The following ELAVL4 variants were observed in gnomAD, a reference collection of about 807,000 sequenced individuals.
ELAVL4 encodes the protein ELAV like RNA binding protein 4, also known as ELAV-like protein 4.
Under a neutral mutation model 35.6 loss-of-function variants are expected in ELAVL4, and 1 was observed. The observed-to-expected ratio is 0.03, with a 90% confidence interval of 0.01 to 0.13. ELAVL4 has a LOEUF of 0.13. ELAVL4 is among the 10% of genes least tolerant of loss of function. The pLI, the probability that ELAVL4 is intolerant of heterozygous loss-of-function variation, is 1.00. For missense variants in ELAVL4, 267 were observed against 464.9 expected, an observed-to-expected ratio of 0.57 and a Z score of 3.91; for synonymous variants, 156 against 171.0, an observed-to-expected ratio of 0.91 and a Z score of 0.69.
rs370310170 is a variant in ELAVL4, at chr1:50,089,094, C to T, written c.18+40912C>T. Among the ~76,000 whole-genome samples, 56 of 152,250 alleles carry T rather than the reference C, an allele frequency of 3.7e-4. 1 individual carries two copies. In the South Asian group the frequency reaches 8.5e-3, roughly 23 times the overall value. On this transcript the variant is annotated intron_variant, in intron 1 of 6. Coordinates refer to the ELAVL4 transcript ENST00000448907. ...GTGAATGAGCTCCTCAAATATTATC[C>T]GCCATTCTGCCACACTGCCAGTCAC...
chr1:50,156,031 G>GCACA lies in ELAVL4; in HGVS notation c.250+10851_250+10854dup, dbSNP rs151228970. Among the ~76,000 whole-genome samples the GCACA allele has an allele frequency of 4.7e-4, 70 of 149,390 alleles. 1 individual carries two copies. Among genetic ancestry groups the GCACA allele is most frequent in the East Asian group, 1.6e-3 (8 of 5,054 alleles). On this transcript the variant is annotated intron_variant, in intron 2 of 6. Transcript: ENST00000371824. ...GGCATGCATGTGCGTGCACAGGCAC[G>GCACA]CACACACACACACACACACATCCCC...
At chr1:50,191,783 A>G (rs1474062459) in intron 3 of ELAVL4, among the ~76,000 whole-genome samples, 1 of 152,210 alleles carries the variant, frequency 6.6e-6, no homozygotes, top group African/African-American at 2.4e-5. Flanking sequence ...GGAAGTAGGT[A>G]TAAAAAAAAT....
At chr1:50,113,116 G>T (rs528437923) in intron 1 of ELAVL4, among the ~76,000 whole-genome samples, 3 of 151,952 alleles carry the variant, frequency 2.0e-5, no homozygotes, top group Non-Finnish European at 4.4e-5. Flanking sequence ...ATGGTGCTTT[G>T]TATGTGTGTG....
At chr1:50,115,604 A>G (rs911425106) in intron 1 of ELAVL4, among the ~76,000 whole-genome samples, 5 of 152,014 alleles carry the variant, frequency 3.3e-5, no homozygotes, top group Admixed American at 2.0e-4. Flanking sequence ...TTTTCAGGCT[A>G]TGGGGAAGCA....
intron 1 of ELAVL4, among the ~76,000 whole-genome samples, chr1:50,134,075 A>G (rs944771755): frequency 3.9e-5 from 6 of 152,182 alleles, no homozygotes; most frequent in African/African-American, 1.4e-4. Context: ...TTTTCAAAAT[A>G]AAATATATTT....
upstream of ELAVL4, chr1:50,103,876 T>A (rs1666114675): frequency 1.3e-6 from 2 of 1,594,486 alleles, no homozygotes; most frequent in African/African-American, 1.3e-5. Context: ...TCTGCAGCTG[T>A]GTTCGGAGGG....
At chr1:50,099,002 A>G (rs377739690), upstream of ELAVL4, among the ~76,000 whole-genome samples, 1 of 152,176 alleles carries the variant, frequency 6.6e-6, no homozygotes, top group Non-Finnish European at 1.5e-5. Flanking sequence ...CTGGTGACCA[A>G]CCTCAGGAAA....
intron 3 of ELAVL4, 110 bp downstream of exon 3, chr1:50,177,302 T>C: frequency 1.2e-6 from 1 of 805,536 alleles, no homozygotes; most frequent in Non-Finnish European, 2.1e-6. Context: ...TCTTGATTTA[T>C]TCAAAGAACA....
chr1:50,052,857 T>C (rs543584091), intron 1 of ELAVL4, among the ~76,000 whole-genome samples: 2 of 152,240 alleles, frequency 1.3e-5, no homozygotes, highest in African/African-American at 4.8e-5. Context: ...GCTAAACTTA[T>C]GTTGTGCAAA....
At chr1:50,153,117 G>A (rs982911837) in intron 2 of ELAVL4, among the ~76,000 whole-genome samples, 20 of 152,202 alleles carry the variant, frequency 1.3e-4, no homozygotes, top group African/African-American at 4.6e-4. Flanking sequence ...TGCTTATTAT[G>A]CATATTAACT....
intron 1 of ELAVL4, among the ~76,000 whole-genome samples, chr1:50,082,268 G>A (rs1477748757): frequency 6.6e-6 from 1 of 152,152 alleles, no homozygotes; most frequent in Non-Finnish European, 1.5e-5. Context: ...GTCTTCCACA[G>A]TGGTTGAACT....
intron 1 of ELAVL4, among the ~76,000 whole-genome samples, chr1:50,079,805 G>A (rs1267933542): frequency 6.6e-6 from 1 of 152,150 alleles, no homozygotes; most frequent in Non-Finnish European, 1.5e-5. Flanking sequence ...AATATTACTG[G>A]GGCTGGGTAA....
chr1:50,162,358 G>A (rs917692681), intron 2 of ELAVL4, among the ~76,000 whole-genome samples: 6 of 152,060 alleles, frequency 3.9e-5, no homozygotes, highest in South Asian at 2.1e-4. Flanking sequence ...AGACTCACGC[G>A]CCCGCCCTTA....
At chr1:50,102,088 C>T (rs530100905), upstream of ELAVL4, among the ~76,000 whole-genome samples, 18 of 152,174 alleles carry the variant, frequency 1.2e-4, 1 homozygote, top group South Asian at 3.5e-3. Context: ...GAGATTGAGA[C>T]CATCCTGGCT....
intron 1 of ELAVL4, among the ~76,000 whole-genome samples, chr1:50,096,338 T>C (rs901993877): frequency 6.7e-6 from 1 of 149,600 alleles, no homozygotes; most frequent in African/African-American, 2.5e-5. Flanking sequence ...AGAAGATCAT[T>C]TTGCTTAGTG....
intron 1 of ELAVL4, among the ~76,000 whole-genome samples, chr1:50,113,602 G>T (rs974435014): frequency 6.6e-6 from 1 of 152,088 alleles, no homozygotes; most frequent in Non-Finnish European, 1.5e-5. Flanking sequence ...GGCAAATGCT[G>T]CAATGCAGTA....
intron 2 of ELAVL4, among the ~76,000 whole-genome samples, chr1:50,168,973 CAT>C (rs1223642574): frequency 6.8e-5 from 10 of 147,818 alleles, no homozygotes; most frequent in African/African-American, 2.0e-4. Context: ...TACACACACA[CAT>C]ATATATATGT....
Position 50,119,094 on chromosome 1 carries a change from A to AAGAAAGAAAGAAAG in ELAVL4, c.9+9897_9+9898insGAAAGAAAGAAAGA, listed in dbSNP as rs372191131. On this transcript the variant is annotated intron_variant, in intron 1 of 6. Coordinates refer to ENST00000371824, the MANE Select transcript of ELAVL4 (RefSeq NM_001144774.3). ...AAAGAAAGAAAGAAAGAAAGAAAGAAAAAGAAAAAGATCCTTTGCTATGGA... is the reference window on the plus strand; with the variant it reads ...AAAGAAAGAAAGAAAGAAAGAAAGAAAGAAAGAAAGAAAGAAAGAAAAAGATCCTTTGCTATGGA... Among the ~76,000 whole-genome samples the AAGAAAGAAAGAAAG allele has an allele frequency of 9.9e-4, 104 of 105,572 alleles. 1 individual carries two copies. Among genetic ancestry groups the AAGAAAGAAAGAAAG allele is most frequent in the Admixed American group, 1.4e-3 (14 of 10,088 alleles). The allele number at this position is 105,572 out of a possible 152,430, so 69.3% of individuals were successfully genotyped here. A position where few individuals can be genotyped will look rare whatever the true frequency, so the allele number is the denominator to read the frequency against.
chr1:50,110,455 A>G (rs918281578), intron 1 of ELAVL4, among the ~76,000 whole-genome samples: 2 of 152,198 alleles, frequency 1.3e-5, no homozygotes, highest in African/African-American at 2.4e-5. Context: ...TGGAAGGGGA[A>G]GTGGAAAACC....
Sources: allele counts gnomAD v4.1 joint callset (sites outside exome capture counted in the v4.1 genomes callset), GRCh38; gene constraint gnomAD v4.1.1; transcripts MANE v1.5; gene names NCBI Gene and HGNC (gene_info 2026-07-23, HGNC 2026-07-21).